Variants in TCF3 observed in about 807,000 individuals in gnomAD.
TCF3 encodes the protein transcription factor 3, also known as transcription factor E2-alpha.
A neutral mutation model predicts 72.3 loss-of-function variants in TCF3; 54 were observed. That is an observed-to-expected ratio of 0.75 (90% CI 0.60 to 0.94). The LOEUF is 0.94. TCF3 is among the 40% of genes least tolerant of loss of function. TCF3 has a pLI of 0.00. For missense variants in TCF3, 1,078 were observed against 934.4 expected (o/e 1.15, Z -2.00); for synonymous variants, 525 against 412.6 (o/e 1.27, Z -3.30).
At position 1,631,851 on chromosome 19, in the gene TCF3, G is replaced by T. The variant is rs11666768; in HGVS notation, c.298+187C>A. The T allele has an allele frequency of 4.8e-6, 7 of 1,462,302 alleles. No individual in the cohort carries two copies. The African/African-American group carries it at 9.8e-5, about 20-fold the overall frequency. The allele number at this position is 1,462,302 out of a possible 1,614,324, so 90.6% of individuals were successfully genotyped here. ...AGCCTAGTTGCAGAGTGCCGTGCCA[G>T]GGAGTCCGGGCCACGTCCCCTGCAC... On this transcript the variant is annotated intron_variant, in intron 5 of 18. Transcript: ENST00000262965.
Position 1,609,816 on chromosome 19 carries a change from G to C in TCF3, c.*1891C>G, listed in dbSNP as rs978388820. 4.3e-6 allele frequency: 1 copy of C among 231,910 alleles called. No individual in the cohort carries two copies. The highest frequency in any genetic ancestry group is 2.2e-5 in the African/African-American group (1 of 45,352). 14.4% of individuals were successfully genotyped at this position (231,910 alleles called of 1,614,324 possible). ...GCCCAGGCTCCCAAGCCAGTCTGGG[G>C]AGGGGAGTCAGGCAGTCCAGGATCT... On this transcript the variant is annotated 3_prime_UTR_variant, in exon 19 of 19. Coordinates refer to ENST00000262965, the MANE Select transcript of TCF3 (RefSeq NM_003200.5).
chr19:1,615,904 T>A lies in TCF3; in HGVS notation c.1451-83A>T. The A allele has an allele frequency of 1.4e-6, 2 of 1,448,176 alleles. No homozygotes were observed. The highest frequency in any genetic ancestry group is 1.8e-6 in the Non-Finnish European group (2 of 1,100,054). 89.7% of individuals were successfully genotyped at this position (1,448,176 alleles called of 1,614,324 possible). ...TCTTTGTGCTCCTGTGGTGAGGGAC[T>A]TGGGCTTTCCTGGAAAAACCAGGTC... On this transcript the variant is annotated intron_variant, in intron 16 of 18. Coordinates refer to ENST00000262965, the MANE Select transcript of TCF3 (RefSeq NM_003200.5). This position sits in a 1 kb window ranked among gnomAD's most constrained non-coding sequence, Gnocchi z 7.3.
intron 6 of TCF3, 111 bp from the exon 7 acceptor site, chr19:1,625,819 G>T: frequency 1.5e-6 from 2 of 1,298,774 alleles, no homozygotes; most frequent in Middle Eastern, 2.1e-4. Flanking sequence ...CCCTGCAGTG[G>T]GTGATGCCCC....
chr19:1,625,956 CAA>C (rs2062828407), intron 6 of TCF3, among the ~76,000 whole-genome samples: 1 of 152,224 alleles, frequency 6.6e-6, no homozygotes, highest in African/African-American at 2.4e-5. Flanking sequence ...GTGGCCAACC[CAA>C]GGGGCTGCTC....
At chr19:1,629,942 A>G (rs893345155) in intron 5 of TCF3, among the ~76,000 whole-genome samples, 1 of 152,044 alleles carries the variant, frequency 6.6e-6, no homozygotes, top group African/African-American at 2.4e-5. Flanking sequence ...ACACCCGGCC[A>G]CAGCAGTCAC....
intron 7 of TCF3, among the ~76,000 whole-genome samples, chr19:1,625,066 G>C (rs533150850): frequency 6.6e-6 from 1 of 152,310 alleles, no homozygotes; most frequent in East Asian, 1.9e-4. Flanking sequence ...AGAATGGTTT[G>C]CAACTTTTGG....
At chr19:1,651,025 G>A in intron 1 of TCF3, 1 of 231,576 alleles carries the variant, frequency 4.3e-6, no homozygotes, top group Non-Finnish European at 8.5e-6. Context: ...TTATTTTTAA[G>A]CAAAACTTTG....
intron 14 of TCF3, 30 bp downstream of exon 14, chr19:1,619,750 A>AGGTTG: frequency 1.1e-6 from 1 of 922,250 alleles, no homozygotes; most frequent in Non-Finnish European, 1.5e-6. Flanking sequence ...CTGTCGGGGA[A>AGGTTG]GGGTGGGGTG....
At chr19:1,625,550 C>A in intron 7 of TCF3, 26 bp downstream of exon 7, 1 of 1,544,542 alleles carries the variant, frequency 6.5e-7, no homozygotes, top group Non-Finnish European at 8.7e-7. Flanking sequence ...CAGAAGCCCC[C>A]GATGCCCCGG....
chr19:1,613,510 C>G (rs1039957828), intron 18 of TCF3, among the ~76,000 whole-genome samples: 1 of 152,142 alleles, frequency 6.6e-6, no homozygotes, highest in Admixed American at 6.5e-5. Context: ...TTCTTCCCTC[C>G]CAAGATGATG....
intron 8 of TCF3, 120 bp from the exon 9 acceptor site, chr19:1,622,535 T>C (rs1178120987): frequency 3.6e-6 from 2 of 554,316 alleles, no homozygotes; most frequent in Admixed American, 7.2e-5. Context: ...TTCCCTTCCC[T>C]GTAAAGCCAC....
At chr19:1,619,719 G>T (rs2061943284) in intron 14 of TCF3, 61 bp downstream of exon 14, 1 of 1,410,488 alleles carries the variant, frequency 7.1e-7, no homozygotes, top group East Asian at 2.7e-5. Flanking sequence ...TCCTTCTCAA[G>T]GAGCGTCTGT....
intron 6 of TCF3, 47 bp from the exon 7 acceptor site, chr19:1,625,755 C>T: frequency 6.9e-7 from 1 of 1,453,948 alleles, no homozygotes. Context: ...GCATCCAGAC[C>T]CCAGGCTGTT....
rs376498623 is a variant in TCF3 at position 1,621,150 on chromosome 19, C to A, written c.997G>T (p.Gly333Cys). 4 of 1,541,014 alleles carry A rather than the reference C, an allele frequency of 2.6e-6. No homozygotes were observed. In the African/African-American group the frequency reaches 4.1e-5, roughly 16 times the overall value. ...TTAGSSGDALGKALASIYSPD... is the reference protein window; with the variant it reads ...TTAGSSGDALCKALASIYSPD... ...CGCCTCACCGAGGCCAGTGCTTTGC[C>A]GAGGGCATCCCCGGAGCTGCCAGCT... The change falls in exon 12 of 19, where the codon GGC becomes TGC. Residue 333 changes from glycine to cysteine, a missense_variant. Coordinates refer to ENST00000262965, the MANE Select transcript of TCF3 (RefSeq NM_003200.5).
Position 1,636,162 on chromosome 19 carries a change from AT to A in TCF3, c.146-3758del, listed in dbSNP as rs377257097. On this transcript the variant is annotated intron_variant, in intron 3 of 18. Transcript: ENST00000262965. ...CTTGGGTGGAGCAGTATTTTAAAAA[AT>A]TTTTTTTTTCTTTTGCTTTGAGACA... 9.6e-3 allele frequency among the ~76,000 whole-genome samples: 1,453 copies of A among 150,866 alleles called. 5 individuals carry two copies. Among genetic ancestry groups the A allele is most frequent in the South Asian group, 0.028 (132 of 4,752 alleles).
intron 2 of TCF3, among the ~76,000 whole-genome samples, chr19:1,648,426 C>T (rs1051049028): frequency 6.6e-6 from 1 of 152,144 alleles, no homozygotes; most frequent in African/African-American, 2.4e-5. Flanking sequence ...GGCTCCGACC[C>T]GGGATGGGGA....
chr19:1,619,313 C>T lies in TCF3; in HGVS notation c.1326+3G>A. The T allele has an allele frequency of 6.4e-7, 1 of 1,571,750 alleles. No individual in the cohort carries two copies. The highest frequency in any genetic ancestry group is 8.6e-7 in the Non-Finnish European group (1 of 1,164,678). ...CCCAGCTCCACCCTCGCCCAGCGCT[C>T]ACCAGGCCTGCGTGCCGCCCGCCCA... On this transcript the variant is annotated splice_donor_region_variant and intron_variant, in intron 15 of 18. Coordinates refer to ENST00000262965, the MANE Select transcript of TCF3 (RefSeq NM_003200.5).
chr19:1,610,063 G>A lies in TCF3; in HGVS notation c.*1644C>T, dbSNP rs1249770489. On this transcript the variant is annotated 3_prime_UTR_variant, in exon 19 of 19. Coordinates refer to ENST00000262965, the MANE Select transcript of TCF3 (RefSeq NM_003200.5). ...GATGGGATCCCAGGGTAGGAGACTT[G>A]CAGTTTTAAACCCAAGACAGTCCCC... The A allele has an allele frequency of 7.7e-5, 18 of 232,724 alleles. No individual in the cohort carries two copies. In the East Asian group the frequency reaches 9.7e-4, roughly 13 times the overall value. The allele number at this position is 232,724 out of a possible 1,614,324, so 14.4% of individuals were successfully genotyped here.
chr19:1,611,902 T>C lies in TCF3; in HGVS notation c.1823-53A>G, dbSNP rs535208251. ...GAGACGGTCCCAGGGAGGAGAAAGA[T>C]GTGAGGTGGGAGTGGGGGGTAGGAT... On this transcript the variant is annotated intron_variant, in intron 18 of 18. Transcript: ENST00000262965. The C allele has an allele frequency of 4.1e-6, 4 of 976,188 alleles. No homozygotes were observed. The Admixed American group carries it at 1.2e-4, about 30-fold the overall frequency. The allele number at this position is 976,188 out of a possible 1,614,324, so 60.5% of individuals were successfully genotyped here.
Sources: gnomAD v4.1 joint callset for allele counts (sites outside exome capture counted in the v4.1 genomes callset) on GRCh38, gnomAD v4.1.1 for gene constraint, Gnocchi (gnomAD v3.1) non-coding constraint, MANE v1.5 for transcripts, NCBI Gene and HGNC (gene_info 2026-07-23, HGNC 2026-07-21) for gene names.